Variants in ABLIM3 observed in about 807,000 individuals in gnomAD.
ABLIM3 encodes the protein actin-binding LIM protein 3.
Under a neutral mutation model 109.5 loss-of-function variants are expected in ABLIM3, and 61 were observed. The observed-to-expected ratio is 0.56, with a 90% CI of 0.45 to 0.69. ABLIM3 has a LOEUF of 0.69. Ranked by LOEUF, ABLIM3 falls within the 30% of genes least tolerant of loss-of-function variation. The probability of loss-of-function intolerance (pLI) is 0.00; values close to 1 mark genes in which losing one functional copy is unlikely to be tolerated. For missense variants in ABLIM3, 796 were observed against 889.5 expected, an observed-to-expected ratio of 0.89 and a Z score of 1.34; for synonymous variants, 300 against 324.8, an observed-to-expected ratio of 0.92 and a Z score of 0.82.
At chr5:149,236,889 T>A (rs912102012) in intron 10 of ABLIM3, among the ~76,000 whole-genome samples, 2 of 152,244 alleles carry the variant, frequency 1.3e-5, no homozygotes, top group African/African-American at 4.8e-5. Context: ...ACTGGGTTAA[T>A]CTATATAAGG....
chr5:149,192,866 T>A (rs1156434660), intron 3 of ABLIM3, among the ~76,000 whole-genome samples: 1 of 145,198 alleles, frequency 6.9e-6, no homozygotes, highest in Non-Finnish European at 1.5e-5. Context: ...TCTGTAGATA[T>A]AACCACCATT....
intron 2 of ABLIM3, among the ~76,000 whole-genome samples, chr5:149,156,488 T>C (rs1313552661): frequency 1.3e-5 from 2 of 152,240 alleles, no homozygotes; most frequent in Non-Finnish European, 1.5e-5. Flanking sequence ...GAAAACCCCT[T>C]TTAAAGATAC....
At position 149,258,519 on chromosome 5, in the gene ABLIM3, T is replaced by A; in HGVS notation, c.*115T>A. On this transcript the variant is annotated 3_prime_UTR_variant, in exon 24 of 24. Transcript: ENST00000309868. ...GGGACACACTGCCTGCCATGAGACT[T>A]GCTTTTCTGTACTGTCAGGCAAGCC... The A allele has an allele frequency of 7.1e-7, 1 of 1,417,194 alleles. No homozygotes were observed. The highest frequency in any genetic ancestry group is 9.2e-7 in the Non-Finnish European group (1 of 1,091,164). The allele number at this position is 1,417,194 out of a possible 1,614,324, so 87.8% of individuals were successfully genotyped here.
chr5:149,246,423 C>T, intron 16 of ABLIM3, 59 bp from the exon 17 acceptor site: 1 of 1,540,720 alleles, frequency 6.5e-7, no homozygotes, highest in Non-Finnish European at 8.8e-7. Flanking sequence ...AAAAAAATGC[C>T]TTAAGCCAGG....
chr5:149,232,627 A>G (rs1761967829), intron 9 of ABLIM3, among the ~76,000 whole-genome samples: 1 of 152,204 alleles, frequency 6.6e-6, no homozygotes, highest in Non-Finnish European at 1.5e-5. Context: ...GCCTAAGACC[A>G]CATACTTCAC....
chr5:149,233,437 T>A lies in ABLIM3; in HGVS notation c.888+137T>A. 5 of 905,422 alleles carry A rather than the reference T, an allele frequency of 5.5e-6. No individual in the cohort carries two copies. In the South Asian group the frequency reaches 7.5e-5, roughly 14 times the overall value. The allele number at this position is 905,422 out of a possible 1,614,324, so 56.1% of individuals were successfully genotyped here. ...CATGCTCTTCATGTGCTAGGCTCTG[T>A]ACCAGGTCTTGAGGATCCAGTGGGG... On this transcript the variant is annotated intron_variant, in intron 10 of 23. Coordinates refer to ENST00000309868, the MANE Select transcript of ABLIM3 (RefSeq NM_014945.5).
intron 3 of ABLIM3, among the ~76,000 whole-genome samples, chr5:149,191,183 G>A (rs1323413997): frequency 6.6e-6 from 1 of 151,842 alleles, no homozygotes; most frequent in Non-Finnish European, 1.5e-5. Flanking sequence ...CAAAATTCTG[G>A]CAAAATTATT....
rs1369300175 is a variant in ABLIM3, at chr5:149,210,801, C to G, written c.651C>G (p.Ile217Met). ...GIKCETCDRY[I>M]SGRVLEAGGK... is the part of the protein sequence containing the mutation. ...AATGTGAGACTTGTGACCGATACATCAGTGGCAGAGTCTTGGAGGTGAGTG... is the reference window on the plus strand; with the variant it reads ...AATGTGAGACTTGTGACCGATACATGAGTGGCAGAGTCTTGGAGGTGAGTG... The change falls in exon 7 of 24, where the codon ATC becomes ATG. Residue 217 changes from isoleucine (I) to methionine (M), a missense_variant. Ile to Met is a conservative substitution (Grantham distance 10). Coordinates refer to ENST00000309868, the MANE Select transcript of ABLIM3 (RefSeq NM_014945.5). 6.2e-7 allele frequency: 1 copy of G among 1,613,980 alleles called. No individual in the cohort carries two copies. Among genetic ancestry groups the G allele is most frequent in the African/African-American group, 1.3e-5 (1 of 74,918 alleles).
chr5:149,229,224 C>T (rs1761604402), intron 8 of ABLIM3, among the ~76,000 whole-genome samples: 1 of 152,178 alleles, frequency 6.6e-6, no homozygotes, highest in Non-Finnish European at 1.5e-5. Context: ...GACTCAGAGT[C>T]CCTCTACTGG....
chr5:149,227,070 C>CAAAAAAA (rs70973514), intron 8 of ABLIM3, among the ~76,000 whole-genome samples: 2 of 96,302 alleles, frequency 2.1e-5, no homozygotes, highest in Non-Finnish European at 4.1e-5. Flanking sequence ...AACTCCATCT[C>CAAAAAAA]AAAAAAAAAA....
chr5:149,150,881 C>T (rs1262285226), intron 2 of ABLIM3, among the ~76,000 whole-genome samples: 1 of 152,222 alleles, frequency 6.6e-6, no homozygotes, highest in Non-Finnish European at 1.5e-5. Context: ...CTCACTTCCT[C>T]ATCTCTAATG....
Position 149,198,323 on chromosome 5 carries a change from C to A in ABLIM3, c.256C>A (p.Arg86=). 1 of 1,614,170 alleles carries A rather than the reference C, an allele frequency of 6.2e-7. No individual in the cohort carries two copies. The highest frequency in any genetic ancestry group is 8.5e-7 in the Non-Finnish European group (1 of 1,180,032). ...CTATGGCACCCGCTGTGACAGCTGCCGGGACTTCATCACAGGCGAAGTCAT... is the reference window on the plus strand; with the variant it reads ...CTATGGCACCCGCTGTGACAGCTGCAGGGACTTCATCACAGGCGAAGTCAT... ...QLYGTRCDSC[R]DFITGEVISA... The change falls in exon 4 of 24, where the codon CGG becomes AGG. Residue 86 remains arginine, a synonymous_variant. Coordinates refer to ENST00000309868, the MANE Select transcript of ABLIM3 (RefSeq NM_014945.5). The surrounding 1 kb of genome is among the most constrained non-coding windows in gnomAD (Gnocchi z 4.2).
chr5:149,198,493 A>C lies in ABLIM3; in HGVS notation c.335+91A>C. On this transcript the variant is annotated intron_variant, in intron 4 of 23. Transcript: ENST00000309868. The surrounding 1 kb of genome is among the most constrained non-coding windows in gnomAD (Gnocchi z 4.2). ...CTTTTTCCAGGAAGTTCTGGGGTTT[A>C]CAAGGTTTGTGCTGCACATTTAGAT... The C allele has an allele frequency of 7.0e-7, 1 of 1,435,672 alleles. No homozygotes were observed. The highest frequency in any genetic ancestry group is 9.2e-7 in the Non-Finnish European group (1 of 1,081,512). The allele number at this position is 1,435,672 out of a possible 1,614,324, so 88.9% of individuals were successfully genotyped here.
intron 2 of ABLIM3, among the ~76,000 whole-genome samples, chr5:149,157,788 G>A (rs543345671): frequency 6.6e-5 from 10 of 152,106 alleles, no homozygotes; most frequent in South Asian, 4.1e-4. Context: ...AGCTCTGACC[G>A]TATAGGAAAG....
intron 2 of ABLIM3, among the ~76,000 whole-genome samples, chr5:149,165,683 C>T (rs987408530): frequency 2.0e-5 from 3 of 152,150 alleles, no homozygotes; most frequent in African/African-American, 2.4e-5. Flanking sequence ...ATGTCTACTG[C>T]ACCTCCTGGA....
intron 3 of ABLIM3, 105 bp downstream of exon 3, chr5:149,183,694 T>C (rs1756680025): frequency 7.7e-7 from 1 of 1,305,986 alleles, no homozygotes; most frequent in Admixed American, 3.7e-5. Flanking sequence ...GGCTGGAATA[T>C]CTATAAAGAC....
intron 3 of ABLIM3, among the ~76,000 whole-genome samples, chr5:149,190,400 C>G (rs576156239): frequency 1.3e-5 from 2 of 152,346 alleles, no homozygotes; most frequent in East Asian, 3.9e-4. Context: ...TTAAAATGAA[C>G]TGGGTGCAGT....
At position 149,245,947 on chromosome 5, in the gene ABLIM3, G is replaced by A. The variant is rs190889152; in HGVS notation, c.1487-535G>A. Among the ~76,000 whole-genome samples, 20 of 152,292 alleles carry A rather than the reference G, an allele frequency of 1.3e-4. No homozygotes were observed. In the East Asian group the frequency reaches 3.9e-3, roughly 29 times the overall value. The stretch of plus-strand genomic sequence containing the variant: ...GGAGGCCAAGTTGGGAAGATCACTT[G>A]AGCCCAGGAAATTGAGACCAGCCTG... On this transcript the variant is annotated intron_variant, in intron 16 of 23. Coordinates refer to ENST00000309868, the MANE Select transcript of ABLIM3 (RefSeq NM_014945.5).
chr5:149,226,675 C>G (rs758028889), intron 8 of ABLIM3, among the ~76,000 whole-genome samples: 2 of 152,172 alleles, frequency 1.3e-5, no homozygotes, highest in Non-Finnish European at 2.9e-5. Flanking sequence ...GCTTACTAAA[C>G]AGAACCGTCC....
Sources: gnomAD v4.1 joint callset for allele counts (sites outside exome capture counted in the v4.1 genomes callset) on GRCh38, gnomAD v4.1.1 for gene constraint, Gnocchi (gnomAD v3.1) non-coding constraint, MANE v1.5 for transcripts, NCBI Gene and HGNC (gene_info 2026-07-23, HGNC 2026-07-21) for gene names.